The following PRKAA1 variants were observed in gnomAD, a reference collection of about 807,000 sequenced individuals.
PRKAA1 encodes 5'-AMP-activated protein kinase catalytic subunit alpha-1.
A neutral mutation model predicts 56.9 loss-of-function variants in PRKAA1; 23 were observed. That is an observed-to-expected ratio of 0.40 (90% CI 0.29 to 0.57). The LOEUF is 0.57. Ranked by LOEUF, PRKAA1 falls within the 20% of genes least tolerant of loss-of-function variation. The probability of loss-of-function intolerance (pLI) is 0.39; values close to 1 mark genes in which losing one functional copy is unlikely to be tolerated. For missense variants in PRKAA1, 413 were observed against 679.7 expected (o/e 0.61, Z 4.36); for synonymous variants, 226 against 227.0 (o/e 1.00, Z 0.04).
At chr5:40,792,497 T>C (rs1403640369) in intron 1 of PRKAA1, among the ~76,000 whole-genome samples, 4 of 152,230 alleles carry the variant, frequency 2.6e-5, no homozygotes, top group African/African-American at 7.2e-5. Flanking sequence ...CACTCTCTCA[T>C]GTAGAGGTAG....
chr5:40,798,195 T>C lies in PRKAA1; in HGVS notation c.-6A>G. On this transcript the variant is annotated 5_prime_UTR_variant, in exon 1 of 9. Transcript: ENST00000397128. ...CAGGAACTGAGTCTGCGCATGGCGC[T>C]GCGGGAGGGGGCGGAGGGGGCGGGC... The C allele has an allele frequency of 9.6e-7, 1 of 1,042,402 alleles. No homozygotes were observed. The highest frequency in any genetic ancestry group is 1.2e-6 in the Non-Finnish European group (1 of 829,936). The allele number at this position is 1,042,402 out of a possible 1,614,324, so 64.6% of individuals were successfully genotyped here. A position where few individuals can be genotyped will look rare whatever the true frequency, so the allele number is the denominator to read the frequency against.
chr5:40,781,942 C>T (rs999579962), intron 1 of PRKAA1, among the ~76,000 whole-genome samples: 4 of 152,178 alleles, frequency 2.6e-5, no homozygotes, highest in African/African-American at 9.7e-5. Context: ...GAGCAGCCAA[C>T]TTGACTGTTA....
chr5:40,783,261 A>G (rs568603708), intron 1 of PRKAA1, among the ~76,000 whole-genome samples: 1 of 152,320 alleles, frequency 6.6e-6, no homozygotes, highest in Admixed American at 6.5e-5. Flanking sequence ...AGTTTAATAC[A>G]TTGTTATTCC....
At chr5:40,774,549 A>ATT (rs34814119) in intron 3 of PRKAA1, among the ~76,000 whole-genome samples, 9 of 125,076 alleles carry the variant, frequency 7.2e-5, no homozygotes, top group African/African-American at 9.2e-5. Flanking sequence ...TCCAGGCAGA[A>ATT]TTTTTTTTTT....
chr5:40,771,800 T>G lies in PRKAA1; in HGVS notation c.427A>C (p.Arg143=). 1.9e-6 allele frequency: 3 copies of G among 1,613,502 alleles called. No individual in the cohort carries two copies. The South Asian group carries it at 3.3e-5, about 18-fold the overall frequency. Residue 143 remains arginine (R), a synonymous_variant, in exon 4 of 9, where the codon AGG becomes CGG. Coordinates refer to ENST00000397128, the MANE Select transcript of PRKAA1 (RefSeq NM_006251.6). ...AAATCTCTATGGACCACCATATGCC[T>G]GTGACAATAATCCACACCAGAAAGG... ...QILSGVDYCH[R]HMVVHRDLKP... is the part of the protein sequence containing the mutation.
intron 2 of PRKAA1, 91 bp downstream of exon 2, chr5:40,777,352 AGT>A (rs2112040541): frequency 7.3e-7 from 1 of 1,366,186 alleles, no homozygotes; most frequent in African/African-American, 1.5e-5. Context: ...AACAAAAAGA[AGT>A]GTCAGTCATT....
chr5:40,792,346 C>T (rs940789578), intron 1 of PRKAA1, among the ~76,000 whole-genome samples: 3 of 152,152 alleles, frequency 2.0e-5, no homozygotes, highest in African/African-American at 7.2e-5. Context: ...ATAACTATTA[C>T]TATTAGAAAG....
chr5:40,779,589 G>A (rs154276), intron 1 of PRKAA1, among the ~76,000 whole-genome samples: 1,917 of 152,170 alleles, frequency 0.013, 35 homozygotes, highest in African/African-American at 0.036. Context: ...GGATAAACAC[G>A]TATCACTATG....
In PRKAA1 at chr5:40,796,399, C is replaced by T. The variant is rs1744931166; in HGVS notation, c.127+1664G>A. Among the ~76,000 whole-genome samples, 7 of 152,038 alleles carry T rather than the reference C, an allele frequency of 4.6e-5. No individual in the cohort carries two copies. In the South Asian group the frequency reaches 1.2e-3, roughly 27 times the overall value. On this transcript the variant is annotated intron_variant, in intron 1 of 8. Transcript: ENST00000397128. ...AAGTCTATATTAGGGGAATGATGAA[C>T]ACCCTAATCCAGGCAGAACTCTGGG...
chr5:40,788,504 A>G lies in PRKAA1; in HGVS notation c.127+9559T>C, dbSNP rs148864742. ...ATGCACAGGCAACAAAAGCAATAAT[A>G]AACAAATGGGATGACATCAAACTAA... On this transcript the variant is annotated intron_variant, in intron 1 of 8. Transcript: ENST00000397128. Among the ~76,000 whole-genome samples, 5 of 152,320 alleles carry G rather than the reference A, an allele frequency of 3.3e-5. 1 individual carries two copies. Among genetic ancestry groups the G allele is most frequent in the African/African-American group, 1.2e-4 (5 of 41,560 alleles).
At chr5:40,775,525 T>C (rs1215571154) in intron 2 of PRKAA1, 22 bp from the exon 3 acceptor site, 1 of 1,489,044 alleles carries the variant, frequency 6.7e-7, no homozygotes, top group African/African-American at 1.4e-5. Context: ...AAACATTGTC[T>C]ACAAATATTA....
chr5:40,783,315 C>T (rs154280), intron 1 of PRKAA1, among the ~76,000 whole-genome samples: 109,480 of 151,902 alleles, frequency 0.72, 39,503 homozygotes, highest in East Asian at 0.8. Context: ...AATGTTCTTA[C>T]AAACATAAAA....
chr5:40,774,872 T>C, intron 3 of PRKAA1: 1 of 1,413,088 alleles, frequency 7.1e-7, no homozygotes, highest in South Asian at 1.2e-5. Flanking sequence ...AAGGTAGTGT[T>C]CAAAATGTCC....
chr5:40,774,554 T>C (rs1375912376), intron 3 of PRKAA1, among the ~76,000 whole-genome samples: 4 of 148,790 alleles, frequency 2.7e-5, no homozygotes, highest in Non-Finnish European at 3.0e-5. Flanking sequence ...GCAGAATTTT[T>C]TTTTTTTTTT....
intron 1 of PRKAA1, among the ~76,000 whole-genome samples, chr5:40,780,150 G>A (rs1579740634): frequency 6.6e-6 from 1 of 152,146 alleles, no homozygotes; most frequent in African/African-American, 2.4e-5. Flanking sequence ...TAAATATTTT[G>A]TAAGTATATG....
At chr5:40,765,645 ATATGCTAAGTTT>A (rs1368169128) in intron 6 of PRKAA1, among the ~76,000 whole-genome samples, 1 of 152,222 alleles carries the variant, frequency 6.6e-6, no homozygotes, top group African/African-American at 2.4e-5. Flanking sequence ...AGTACTTACT[ATATGCTAAGTTT>A]TATGCTAAAC....
At chr5:40,786,786 CAAAAAAAAAAAAA>C (rs34749478) in intron 1 of PRKAA1, among the ~76,000 whole-genome samples, 5 of 43,512 alleles carry the variant, frequency 1.1e-4, no homozygotes, top group South Asian at 1.6e-3. Flanking sequence ...ACTAAAAATA[CAAAAAAAAAAAAA>C]AAAAAAAAAA....
intron 2 of PRKAA1, among the ~76,000 whole-genome samples, chr5:40,776,164 G>A (rs887197977): frequency 9.9e-5 from 15 of 152,206 alleles, no homozygotes; most frequent in African/African-American, 3.6e-4. Flanking sequence ...ACAGATGGTG[G>A]CTGAGACCAG....
chr5:40,788,880 C>T (rs772520762), intron 1 of PRKAA1, among the ~76,000 whole-genome samples: 1 of 151,324 alleles, frequency 6.6e-6, no homozygotes, highest in African/African-American at 2.4e-5. Context: ...AACCCAAAGA[C>T]TGAGAAAACG....
Sources: allele counts gnomAD v4.1 joint callset (sites outside exome capture counted in the v4.1 genomes callset), GRCh38; gene constraint gnomAD v4.1.1; transcripts MANE v1.5; gene names NCBI Gene and HGNC (gene_info 2026-07-23, HGNC 2026-07-21).